The following LHFPL3 variants were observed in gnomAD, a reference collection of about 807,000 sequenced individuals.
LHFPL3 encodes LHFPL tetraspan subfamily member 3, also known as LHFPL tetraspan subfamily member 3 protein.
LHFPL3 carries 5 observed loss-of-function variants against 19.3 expected under a neutral mutation model. That is an observed-to-expected ratio of 0.26 (90% CI 0.14 to 0.54). The LOEUF is 0.54. Among genes scored for constraint, LHFPL3 ranks in the 20% least tolerant of loss-of-function variants. LHFPL3 has a pLI of 0.94. For synonymous variants in LHFPL3, 133 were observed against 126.2 expected, an observed-to-expected ratio of 1.05 and a Z score of -0.36; for missense variants, 249 against 307.4, an observed-to-expected ratio of 0.81 and a Z score of 1.42.
intron 1 of LHFPL3, among the ~76,000 whole-genome samples, chr7:104,709,923 C>T (rs13233698): frequency 0.11 from 17,209 of 150,390 alleles, 1,220 homozygotes; most frequent in Non-Finnish European, 0.15. Flanking sequence ...GACGGGGTGG[C>T]GGCCAGGCAG....
chr7:104,667,996 C>A, intron 1 of LHFPL3: 2 of 1,613,570 alleles, frequency 1.2e-6, no homozygotes, highest in South Asian at 1.1e-5. Context: ...GCTCGGGAAC[C>A]CAATATCGAC....
intron 1 of LHFPL3, among the ~76,000 whole-genome samples, chr7:104,577,494 A>G (rs1213645405): frequency 6.6e-6 from 1 of 152,204 alleles, no homozygotes; most frequent in African/African-American, 2.4e-5. Flanking sequence ...ACCTATATAT[A>G]TGTGTGTACA....
At chr7:104,392,462 G>A (rs1233219568) in intron 1 of LHFPL3, among the ~76,000 whole-genome samples, 1 of 151,674 alleles carries the variant, frequency 6.6e-6, no homozygotes, top group East Asian at 1.9e-4. Context: ...TTTTGTCTTT[G>A]GTTCTGTTTA....
chr7:104,359,644 A>C (rs1209788815), intron 1 of LHFPL3, among the ~76,000 whole-genome samples: 3 of 152,206 alleles, frequency 2.0e-5, no homozygotes, highest in African/African-American at 7.2e-5. Context: ...AAAGAATTCT[A>C]CCCAATTCTG....
At chr7:104,386,126 A>C (rs1260152221) in intron 1 of LHFPL3, among the ~76,000 whole-genome samples, 3 of 152,154 alleles carry the variant, frequency 2.0e-5, no homozygotes, top group African/African-American at 4.8e-5. Context: ...TAGCTGATTC[A>C]CAATGATGGT....
At chr7:104,715,604 G>T (rs927099099) in intron 1 of LHFPL3, among the ~76,000 whole-genome samples, 5 of 152,050 alleles carry the variant, frequency 3.3e-5, no homozygotes, top group African/African-American at 7.2e-5. Context: ...ATCATGAAAG[G>T]GTGCTGAATT....
rs1794339932 is a variant in LHFPL3 at position 104,533,501 on chromosome 7, A to G, written c.446-203174A>G. Among the ~76,000 whole-genome samples the G allele has an allele frequency of 3.3e-5, 5 of 152,308 alleles. No individual in the cohort carries two copies. The South Asian group carries it at 1.0e-3, about 32-fold the overall frequency. On this transcript the variant is annotated intron_variant, in intron 1 of 2. Transcript: ENST00000424859. ...CTGGACACCTTCATCTGAATGTTCC[A>G]TAGCACCTCAAACTCAACATGTCCA...
At chr7:104,512,345 C>T (rs1404637256) in intron 1 of LHFPL3, among the ~76,000 whole-genome samples, 1 of 152,078 alleles carries the variant, frequency 6.6e-6, no homozygotes, top group Non-Finnish European at 1.5e-5. Context: ...TGTGTTACTA[C>T]CATGGGTCAG....
chr7:104,680,872 G>A, intron 1 of LHFPL3, among the ~76,000 whole-genome samples: 1 of 152,132 alleles, frequency 6.6e-6, no homozygotes, highest in East Asian at 1.9e-4. Flanking sequence ...CACTGGAAAG[G>A]AAACATCTAA....
In LHFPL3 at chr7:104,848,191, T is replaced by C. The variant is rs551422414; in HGVS notation, c.683-57996T>C. Among the ~76,000 whole-genome samples, 3 of 152,314 alleles carry C rather than the reference T, an allele frequency of 2.0e-5. No individual in the cohort carries two copies. In the South Asian group the frequency reaches 6.2e-4, roughly 32 times the overall value. ...CTGGAAGGGTTGTACAAGAGGACTC[T>C]TGATGCCGCCTCTGCATGGCACTTC... On this transcript the variant is annotated intron_variant, in intron 2 of 2. Transcript: ENST00000424859.
intron 2 of LHFPL3, among the ~76,000 whole-genome samples, chr7:104,808,889 C>A (rs1482287718): frequency 1.6e-5 from 2 of 128,376 alleles, no homozygotes; most frequent in Non-Finnish European, 3.2e-5. Flanking sequence ...GATGATAGAT[C>A]CTTTTTTTTT....
intron 2 of LHFPL3, chr7:104,757,812 A>G (rs1794312381): frequency 6.6e-6 from 1 of 152,192 alleles, no homozygotes; most frequent in African/African-American, 2.4e-5. Flanking sequence ...CAAAGAACTA[A>G]AAATAGAACT....
At chr7:104,437,527 C>G (rs531042618) in intron 1 of LHFPL3, among the ~76,000 whole-genome samples, 1 of 152,194 alleles carries the variant, frequency 6.6e-6, no homozygotes, top group Non-Finnish European at 1.5e-5. Flanking sequence ...CCCCACACTT[C>G]AGATGCTAAT....
At chr7:104,624,074 TTGG>T (rs1270591892) in intron 1 of LHFPL3, among the ~76,000 whole-genome samples, 1 of 152,220 alleles carries the variant, frequency 6.6e-6, no homozygotes, top group Non-Finnish European at 1.5e-5. Flanking sequence ...ACGATGTTCC[TTGG>T]TGTTGTTATT....
chr7:104,817,405 A>C (rs928835098), intron 2 of LHFPL3, among the ~76,000 whole-genome samples: 1 of 152,180 alleles, frequency 6.6e-6, no homozygotes, highest in African/African-American at 2.4e-5. Context: ...CCCAGAAAAC[A>C]GCAGGGTTTT....
At chr7:104,487,127 T>A (rs139963590) in intron 1 of LHFPL3, among the ~76,000 whole-genome samples, 101 of 152,300 alleles carry the variant, frequency 6.6e-4, no homozygotes, top group African/African-American at 2.2e-3. Context: ...TTCTTCCACA[T>A]TTTTCTTGGA....
intron 1 of LHFPL3, among the ~76,000 whole-genome samples, chr7:104,489,595 A>G (rs568214766): frequency 4.6e-5 from 7 of 151,732 alleles, no homozygotes; most frequent in East Asian, 1.9e-4. Context: ...CACAAGGTCC[A>G]AAGAACTGAC....
At chr7:104,372,508 C>T (rs764233265) in intron 1 of LHFPL3, among the ~76,000 whole-genome samples, 46 of 152,048 alleles carry the variant, frequency 3.0e-4, no homozygotes, top group Admixed American at 2.6e-3. Context: ...CTCAGTGTGC[C>T]GTTTGATACA....
chr7:104,489,003 G>C (rs975165655), intron 1 of LHFPL3, among the ~76,000 whole-genome samples: 9 of 152,054 alleles, frequency 5.9e-5, no homozygotes, highest in African/African-American at 2.2e-4. Context: ...ATGCTCAGAA[G>C]GGACCCCCAC....
Sources: gnomAD v4.1 joint callset for allele counts (sites outside exome capture counted in the v4.1 genomes callset) on GRCh38, gnomAD v4.1.1 for gene constraint, MANE v1.5 for transcripts, NCBI Gene and HGNC (gene_info 2026-07-23, HGNC 2026-07-21) for gene names.